CERT1: variants seen among roughly 807,000 people sequenced by gnomAD.
CERT1 encodes ceramide transfer protein.
A neutral mutation model predicts 87.9 loss-of-function variants in CERT1; 31 were observed. That is an observed-to-expected ratio of 0.35 (90% confidence interval 0.27 to 0.48). The LOEUF (loss-of-function observed/expected upper bound fraction) is 0.48, where lower values mean the gene tolerates loss of function less well. CERT1 is among the 20% of genes least tolerant of loss of function. The pLI is 0.99. For synonymous variants in CERT1, 289 were observed against 250.9 expected (o/e 1.15, Z -1.44); for missense variants, 487 against 758.0 (o/e 0.64, Z 4.20).
chr5:75,425,005 C>A (rs1350274645), intron 5 of CERT1, among the ~76,000 whole-genome samples: 1 of 152,106 alleles, frequency 6.6e-6, no homozygotes, highest in South Asian at 2.1e-4. Context: ...GTAGTCCTAG[C>A]AACCTGGGTG....
intron 11 of CERT1, among the ~76,000 whole-genome samples, chr5:75,392,448 G>A (rs1762066301): frequency 6.6e-6 from 1 of 152,106 alleles, no homozygotes; most frequent in African/African-American, 2.4e-5. Flanking sequence ...TTTCATCATG[G>A]AATCTTCATT....
At chr5:75,505,813 T>TA in intron 2 of CERT1, 169 bp downstream of exon 2, 1 of 478,548 alleles carries the variant, frequency 2.1e-6, no homozygotes, top group Non-Finnish European at 3.5e-6. Context: ...CAATATGTAG[T>TA]AAAAACCACA....
chr5:75,379,648 C>T (rs1015555755), intron 16 of CERT1, among the ~76,000 whole-genome samples, 175 bp from the exon 17 acceptor site: 10 of 151,956 alleles, frequency 6.6e-5, no homozygotes, highest in African/African-American at 2.2e-4. Context: ...TGCAGTGGCG[C>T]GATCTTGGCT....
chr5:75,448,815 T>A (rs1435209942), intron 3 of CERT1, among the ~76,000 whole-genome samples: 1 of 152,210 alleles, frequency 6.6e-6, no homozygotes, highest in Non-Finnish European at 1.5e-5. Flanking sequence ...TCATTTTCTT[T>A]AATATCTTCT....
chr5:75,501,439 T>C (rs1209793161), intron 2 of CERT1, among the ~76,000 whole-genome samples: 1 of 152,214 alleles, frequency 6.6e-6, no homozygotes, highest in Admixed American at 6.5e-5. Flanking sequence ...ATATGAGGTA[T>C]ACAAAGGCAG....
At chr5:75,401,297 C>T (rs1451034291) in intron 9 of CERT1, 1 of 152,172 alleles carries the variant, frequency 6.6e-6, no homozygotes, top group Non-Finnish European at 1.5e-5. Context: ...CATCAATTCT[C>T]TCAAACCCAA....
Position 75,399,306 on chromosome 5 carries a change from G to A in CERT1, c.1188+4C>T. ...CAAGTCCACTCTATACATTCATACA[G>A]TACCTGGGAGCTGAATCTGTGAACA... On this transcript the variant is annotated splice_donor_region_variant and intron_variant, in intron 11 of 16. Coordinates refer to ENST00000643780, the MANE Select transcript of CERT1 (RefSeq NM_001379029.1). 2 of 1,601,506 alleles carry A rather than the reference G, an allele frequency of 1.2e-6. No homozygotes were observed. The highest frequency in any genetic ancestry group is 1.7e-6 in the Non-Finnish European group (2 of 1,168,582).
intron 9 of CERT1, 171 bp from the exon 10 acceptor site, chr5:75,400,468 TC>T: frequency 3.7e-6 from 2 of 533,560 alleles, no homozygotes; most frequent in Non-Finnish European, 6.7e-6. Context: ...GATACTTGCC[TC>T]AGATATCCCA....
At chr5:75,462,754 G>A (rs759942210) in intron 2 of CERT1, among the ~76,000 whole-genome samples, 1 of 152,118 alleles carries the variant, frequency 6.6e-6, no homozygotes, top group Non-Finnish European at 1.5e-5. Context: ...CAGCACTTTG[G>A]GAGGCGAGGT....
chr5:75,494,693 G>A (rs1766975552), intron 2 of CERT1, among the ~76,000 whole-genome samples: 1 of 151,764 alleles, frequency 6.6e-6, no homozygotes, highest in Non-Finnish European at 1.5e-5. Context: ...ATCTAGTTTT[G>A]AGCTTCCCTA....
chr5:75,447,760 C>T (rs1192531436), intron 3 of CERT1, among the ~76,000 whole-genome samples: 1 of 151,966 alleles, frequency 6.6e-6, no homozygotes, highest in African/African-American at 2.4e-5. Flanking sequence ...AGGTGTGAGC[C>T]ACCACACCCG....
intron 5 of CERT1, among the ~76,000 whole-genome samples, chr5:75,421,697 CT>C (rs1268604358): frequency 6.6e-6 from 1 of 152,202 alleles, no homozygotes; most frequent in East Asian, 1.9e-4. Flanking sequence ...AATTAGTCCC[CT>C]GGCATAATCC....
At chr5:75,402,932 A>C in intron 9 of CERT1, 40 bp downstream of exon 9, 1 of 1,275,214 alleles carries the variant, frequency 7.8e-7, no homozygotes, top group Non-Finnish European at 1.1e-6. Context: ...CTATAGTGTT[A>C]AAATAAATTT....
chr5:75,442,834 A>T (rs145510436), intron 3 of CERT1, among the ~76,000 whole-genome samples: 4 of 152,306 alleles, frequency 2.6e-5, no homozygotes, highest in Non-Finnish European at 5.9e-5. Context: ...GCTCACATTC[A>T]TGTAACTTTT....
intron 11 of CERT1, among the ~76,000 whole-genome samples, chr5:75,393,578 C>T (rs1408323568): frequency 1.3e-5 from 1 of 74,140 alleles, no homozygotes; most frequent in African/African-American, 4.6e-5. Flanking sequence ...TAAGTCTCGG[C>T]AACATAGCAA....
rs1357134461 is a variant in CERT1 at position 75,511,149 on chromosome 5, G to C, written c.59C>G (p.Ser20Cys). 3.7e-6 allele frequency: 6 copies of C among 1,609,540 alleles called. No individual in the cohort carries two copies. The African/African-American group carries it at 5.3e-5, about 14-fold the overall frequency. The change falls in exon 1 of 17, where the codon TCT (serine) becomes TGT (cysteine). Residue 20 changes from serine to cysteine, a missense_variant. By Grantham distance (112) the Ser-to-Cys change is moderately radical (BLOSUM62 -1). Around this residue, in one of 8 missense-constraint regions of CERT1, gnomAD observed 173 missense variants for 302.2 expected, o/e 0.57. Coordinates refer to ENST00000643780, the MANE Select transcript of CERT1 (RefSeq NM_001379029.1). ...SGSEEDPETE[S>C]GPPVERCGVL... is the part of the protein sequence containing the mutation. ...CCCGCAGCGCTCCACAGGCGGCCCA[G>C]ACTCCGTCTCTGGATCCTCCTCCGA...
intron 8 of CERT1, among the ~76,000 whole-genome samples, chr5:75,406,797 G>A (rs772554973): frequency 1.3e-5 from 2 of 151,824 alleles, no homozygotes; most frequent in Non-Finnish European, 2.9e-5. Context: ...TGCCCGCCTC[G>A]GCCTCCCAAA....
At position 75,382,434 on chromosome 5, in the gene CERT1, G is replaced by C. The variant is rs529926621; in HGVS notation, c.1489-357C>G. On this transcript the variant is annotated intron_variant, in intron 14 of 16. Transcript: ENST00000643780. ...ATCCCAAACAGAAACTCTGTACCCA[G>C]TAAGCAACAACTTTCCATTCCTCTC... 1.2e-4 allele frequency among the ~76,000 whole-genome samples: 18 copies of C among 152,146 alleles called. No homozygotes were observed. In the East Asian group the frequency reaches 3.3e-3, roughly 28 times the overall value.
Position 75,424,864 on chromosome 5 carries a change from A to G in CERT1, c.595+497T>C, listed in dbSNP as rs143255674. Among the ~76,000 whole-genome samples, 314 of 152,180 alleles carry G rather than the reference A, an allele frequency of 2.1e-3. 1 individual carries two copies. In the East Asian group the frequency reaches 0.027, roughly 13 times the overall value. ...GTGGTGGCTCACACCTATAATCTCA[A>G]CACTTTGGTAGGCCGAAGTGGGAAG... On this transcript the variant is annotated intron_variant, in intron 5 of 16. Coordinates refer to ENST00000643780, the MANE Select transcript of CERT1 (RefSeq NM_001379029.1).
Sources: allele counts gnomAD v4.1 joint callset (sites outside exome capture counted in the v4.1 genomes callset), GRCh38; gene constraint gnomAD v4.1.1; regional missense constraint gnomAD v4.1.1; transcripts MANE v1.5; gene names NCBI Gene and HGNC (gene_info 2026-07-23, HGNC 2026-07-21).